The following ROR2 variants were observed in gnomAD, a reference collection of about 807,000 sequenced individuals.
The protein encoded by ROR2 is ROR family WNT receptor 2.
Under a neutral mutation model 74.9 loss-of-function variants are expected in ROR2, and 33 were observed. The observed-to-expected ratio is 0.44, with a 90% CI of 0.33 to 0.59. ROR2 has a LOEUF of 0.59. Ranked by LOEUF, ROR2 falls within the 20% of genes least tolerant of loss-of-function variation. The pLI is 0.02. For synonymous variants in ROR2, 586 were observed against 558.7 expected (o/e 1.05, Z -0.69); for missense variants, 1,216 against 1,313.8 (o/e 0.93, Z 1.15).
At chr9:91,817,682 C>T (rs140292476) in intron 1 of ROR2, among the ~76,000 whole-genome samples, 1,630 of 152,322 alleles carry the variant, frequency 0.011, 16 homozygotes, top group Middle Eastern at 0.02. Context: ...CCTCCTGGGT[C>T]CTGCAGTCCT....
chr9:91,802,373 G>C (rs1174609513), intron 1 of ROR2, among the ~76,000 whole-genome samples: 1 of 152,092 alleles, frequency 6.6e-6, no homozygotes, highest in Non-Finnish European at 1.5e-5. Context: ...ACCGCGCCTG[G>C]CCAATTTGGC....
chr9:91,808,519 G>A (rs1251871295), intron 1 of ROR2, among the ~76,000 whole-genome samples: 1 of 151,950 alleles, frequency 6.6e-6, no homozygotes, highest in African/African-American at 2.4e-5. Flanking sequence ...AGCTACTGGG[G>A]AGGCTGAGGC....
chr9:91,825,616 CA>C (rs1334034342), intron 1 of ROR2, among the ~76,000 whole-genome samples: 2 of 152,026 alleles, frequency 1.3e-5, no homozygotes, highest in East Asian at 1.9e-4. Flanking sequence ...CGGGAGAGAA[CA>C]GGGGGCACAC....
chr9:91,775,740 C>T lies in ROR2; in HGVS notation c.175+1G>A, dbSNP rs753069829. The T allele has an allele frequency of 5.0e-6, 8 of 1,613,792 alleles. No homozygotes were observed. In the Admixed American group the frequency reaches 1.0e-4, roughly 20 times the overall value. Reference sequence around the variant, plus strand: ...GAGAGCACCTGCATGTCCCAGCTCACCTTTCAGAGTTGGAATCGGGCCGTC... The same window carrying T: ...GAGAGCACCTGCATGTCCCAGCTCATCTTTCAGAGTTGGAATCGGGCCGTC... On this transcript the variant is annotated splice_donor_variant, in intron 2 of 8. Coordinates refer to ENST00000375708, the MANE Select transcript of ROR2 (RefSeq NM_004560.4). LOFTEE classifies it high-confidence loss of function.
chr9:91,821,257 T>G (rs1828129802), intron 1 of ROR2, among the ~76,000 whole-genome samples: 1 of 152,182 alleles, frequency 6.6e-6, no homozygotes, highest in African/African-American at 2.4e-5. Flanking sequence ...GCCCCCAGAA[T>G]TAGGAGAAAG....
At chr9:91,902,267 C>T (rs1415171152) in intron 1 of ROR2, among the ~76,000 whole-genome samples, 1 of 152,174 alleles carries the variant, frequency 6.6e-6, no homozygotes, top group Non-Finnish European at 1.5e-5. Flanking sequence ...AGAAATATCT[C>T]ATTTCTAAAC....
Position 91,724,066 on chromosome 9 carries a change from G to A in ROR2, c.2428C>T (p.Pro810Ser), listed in dbSNP as rs1331048394. 1 of 1,610,860 alleles carries A rather than the reference G, an allele frequency of 6.2e-7. No homozygotes were observed. The highest frequency in any genetic ancestry group is 1.7e-5 in the Admixed American group (1 of 59,976). ...QFIPMKGQIR[P>S]MVPPPQLYVP... ...TAGAGCTGCGGCGGGGGCACCATGG[G>A]TCTGATCTGGCCCTTCATGGGGATG... The change falls in exon 9 of 9, where the codon CCC becomes TCC. Residue 810 changes from proline to serine, a missense_variant. Physicochemically the swap from Pro to Ser is moderately conservative, Grantham distance 74. Transcript: ENST00000375708.
At chr9:91,881,685 T>C (rs1830116189) in intron 1 of ROR2, among the ~76,000 whole-genome samples, 1 of 152,070 alleles carries the variant, frequency 6.6e-6, no homozygotes, top group Non-Finnish European at 1.5e-5. Context: ...GTGAAAAAAT[T>C]AGGGAGGACG....
intron 1 of ROR2, among the ~76,000 whole-genome samples, chr9:91,829,481 C>T (rs1828392635): frequency 7.4e-6 from 1 of 134,850 alleles, no homozygotes; most frequent in African/African-American, 2.8e-5. Context: ...ACCCAGAAGG[C>T]GGAGGTTGCA....
chr9:91,921,340 A>G (rs1243148806), intron 1 of ROR2, among the ~76,000 whole-genome samples: 1 of 152,170 alleles, frequency 6.6e-6, no homozygotes, highest in Non-Finnish European at 1.5e-5. Context: ...AAGTAATTAT[A>G]TTTTTTCCTC....
rs549948066 is a variant in ROR2, at chr9:91,890,590, T to C, written c.97+59277A>G. On this transcript the variant is annotated intron_variant, in intron 1 of 8. Transcript: ENST00000375708. ...TCCGGAAGCTAATGGGTTTCCTATG[T>C]TAATTAACATGTGGCCACCTTGCTC... 7.9e-5 allele frequency among the ~76,000 whole-genome samples: 12 copies of C among 152,342 alleles called. No individual in the cohort carries two copies. The South Asian group carries it at 2.5e-3, about 32-fold the overall frequency.
Position 91,724,937 on chromosome 9 carries a change from C to T in ROR2, c.1557G>A (p.Glu519=), listed in dbSNP as rs1381109386. The change falls in exon 9 of 9, where the codon GAG becomes GAA. Residue 519 remains glutamate, a synonymous_variant. Coordinates refer to ENST00000375708, the MANE Select transcript of ROR2 (RefSeq NM_004560.4). ...LKDKAEGPLR[E]EFRHEAMLRA... ...GCAGCATAGCCTCATGCCGGAACTC[C>T]TCCCGCAGGGGCCCCTCCGCTTTGT... 1 of 1,613,152 alleles carries T rather than the reference C, an allele frequency of 6.2e-7. No individual in the cohort carries two copies. The highest frequency in any genetic ancestry group is 8.5e-7 in the Non-Finnish European group (1 of 1,179,492).
At chr9:91,750,247 T>C (rs1825557940) in intron 4 of ROR2, among the ~76,000 whole-genome samples, 1 of 152,110 alleles carries the variant, frequency 6.6e-6, no homozygotes. Flanking sequence ...TGCAGGCTAT[T>C]TTAGTTATCT....
chr9:91,791,734 A>T lies in ROR2; in HGVS notation c.98-15916T>A, dbSNP rs142632428. Among the ~76,000 whole-genome samples, 337 of 151,782 alleles carry T rather than the reference A, an allele frequency of 2.2e-3. 2 individuals are homozygous for T. The highest frequency in any genetic ancestry group is 2.0e-3 in the Non-Finnish European group (136 of 68,008). On this transcript the variant is annotated intron_variant, in intron 1 of 8. Transcript: ENST00000375708. ...TTGAACAACATTATAAACCAACTAGATACAACACGAACAGAACACTCGACC... is the reference window on the plus strand; with the variant it reads ...TTGAACAACATTATAAACCAACTAGTTACAACACGAACAGAACACTCGACC...
intron 1 of ROR2, among the ~76,000 whole-genome samples, chr9:91,881,344 C>T (rs1830106059): frequency 6.6e-6 from 1 of 152,188 alleles, no homozygotes; most frequent in Non-Finnish European, 1.5e-5. Context: ...AATGCTAGTA[C>T]AATGAGTCCT....
At chr9:91,806,811 G>C (rs540674342) in intron 1 of ROR2, among the ~76,000 whole-genome samples, 47 of 152,224 alleles carry the variant, frequency 3.1e-4, no homozygotes, top group African/African-American at 5.3e-4. Context: ...GGATGGTCTC[G>C]ATCTCCTGAC....
At chr9:91,849,679 T>C (rs368160565) in intron 1 of ROR2, among the ~76,000 whole-genome samples, 1 of 152,246 alleles carries the variant, frequency 6.6e-6, no homozygotes, top group South Asian at 2.1e-4. Context: ...TATGCAAGTA[T>C]TACGTGAATA....
intron 8 of ROR2, among the ~76,000 whole-genome samples, chr9:91,726,111 A>C (rs1469878955): frequency 6.6e-6 from 1 of 152,050 alleles, no homozygotes; most frequent in Non-Finnish European, 1.5e-5. Context: ...CTGTCCACCT[A>C]CTCCCATTTA....
chr9:91,868,122 C>A (rs569496945), intron 1 of ROR2, among the ~76,000 whole-genome samples: 2 of 151,998 alleles, frequency 1.3e-5, no homozygotes, highest in Non-Finnish European at 2.9e-5. Context: ...ACAAGTAAAG[C>A]ACTTTGGAAA....
Sources: gnomAD v4.1 joint callset for allele counts (sites outside exome capture counted in the v4.1 genomes callset) on GRCh38, gnomAD v4.1.1 for gene constraint, MANE v1.5 for transcripts, NCBI Gene and HGNC (gene_info 2026-07-23, HGNC 2026-07-21) for gene names.